Variants in APCDD1L observed in about 807,000 individuals in gnomAD.
APCDD1L encodes the protein protein APCDD1-like.
In APCDD1L, 21 loss-of-function variants were observed where a neutral mutation model predicts 24.2. The ratio of observed to expected loss-of-function variants is 0.87; its 90% CI spans 0.61 to 1.25. APCDD1L has a LOEUF of 1.25. Ranked by LOEUF, APCDD1L falls within the 50% of genes most tolerant of loss-of-function variation. The pLI, the probability that APCDD1L is intolerant of heterozygous loss-of-function variation, is 0.00. For synonymous variants in APCDD1L, 321 were observed against 323.6 expected (o/e 0.99, Z 0.09); for missense variants, 704 against 711.7 (o/e 0.99, Z 0.12).
intron 1 of APCDD1L, among the ~76,000 whole-genome samples, chr20:58,496,310 G>A (rs963549343): frequency 7.9e-5 from 12 of 152,242 alleles, no homozygotes; most frequent in African/African-American, 2.7e-4. Context: ...CACCTGCTGT[G>A]CTTGCCAGAG....
intron 2 of APCDD1L, among the ~76,000 whole-genome samples, chr20:58,468,413 T>C (rs1310061953): frequency 1.3e-5 from 2 of 152,088 alleles, no homozygotes; most frequent in East Asian, 3.9e-4. Context: ...AAATGACTCC[T>C]AGACTCACGG....
chr20:58,515,082 G>C lies in APCDD1L; in HGVS notation c.-375C>G, dbSNP rs186149065. 4.9e-6 allele frequency: 1 copy of C among 205,794 alleles called. No individual in the cohort carries two copies. Among genetic ancestry groups the C allele is most frequent in the Non-Finnish European group, 9.6e-6 (1 of 103,766 alleles). 12.7% of individuals were successfully genotyped at this position (205,794 alleles called of 1,614,324 possible). ...CAAAGTCTTCGCAGTGGGCAAGGAG[G>C]CCTCCCCCAAGCTCTGGTCCCGGCC... On this transcript the variant is annotated 5_prime_UTR_variant, in exon 1 of 4. Transcript: ENST00000371149.
chr20:58,510,427 G>A (rs950124097), intron 1 of APCDD1L, among the ~76,000 whole-genome samples: 1 of 152,116 alleles, frequency 6.6e-6, no homozygotes, highest in African/African-American at 2.4e-5. Flanking sequence ...CCGCCTCCCG[G>A]GTTCAAGCAA....
intron 3 of APCDD1L, among the ~76,000 whole-genome samples, chr20:58,463,012 T>C (rs868402243): frequency 5.9e-5 from 9 of 151,402 alleles, no homozygotes; most frequent in East Asian, 3.9e-4. Flanking sequence ...TGTGGTGGTA[T>C]ATGCCTGTGA....
intron 1 of APCDD1L, among the ~76,000 whole-genome samples, chr20:58,476,771 A>T (rs1989918270): frequency 6.6e-6 from 1 of 152,192 alleles, no homozygotes; most frequent in East Asian, 1.9e-4. Flanking sequence ...CCACCAGATC[A>T]TCCACCCCAT....
At chr20:58,471,063 G>C (rs1286435622) in intron 1 of APCDD1L, among the ~76,000 whole-genome samples, 1 of 152,216 alleles carries the variant, frequency 6.6e-6, no homozygotes, top group Non-Finnish European at 1.5e-5. Flanking sequence ...ACGTGGAGCA[G>C]ACTCTTAGAA....
At chr20:58,469,008 GCCAACCTCCCTGTT>G (rs1989766553) in intron 2 of APCDD1L, among the ~76,000 whole-genome samples, 1 of 152,138 alleles carries the variant, frequency 6.6e-6, no homozygotes, top group African/African-American at 2.4e-5. Context: ...TGTCTTTAAT[GCCAACCTCCCTGTT>G]CTCCCAGAGA....
intron 1 of APCDD1L, 107 bp downstream of exon 1, chr20:58,514,552 G>A: frequency 8.9e-7 from 1 of 1,125,504 alleles, no homozygotes. Context: ...AGCCGCGTGG[G>A]CCGACCCAGG....
intron 1 of APCDD1L, among the ~76,000 whole-genome samples, chr20:58,499,083 G>A (rs577021793): frequency 2.0e-5 from 3 of 152,362 alleles, no homozygotes; most frequent in Admixed American, 2.0e-4. Context: ...CTGCGGGAGG[G>A]ACAGTTGGGG....
intron 1 of APCDD1L, among the ~76,000 whole-genome samples, chr20:58,512,203 T>C (rs1990642011): frequency 2.0e-5 from 3 of 152,232 alleles, no homozygotes; most frequent in Non-Finnish European, 1.5e-5. Context: ...AGAAACTACC[T>C]AAGCTATGTT....
At chr20:58,489,994 C>T (rs1185658309) in intron 1 of APCDD1L, among the ~76,000 whole-genome samples, 1 of 152,152 alleles carries the variant, frequency 6.6e-6, no homozygotes, top group African/African-American at 2.4e-5. Flanking sequence ...TCATATATTA[C>T]TTTTATTACT....
At chr20:58,486,722 T>A (rs1250990630) in intron 1 of APCDD1L, among the ~76,000 whole-genome samples, 2 of 152,074 alleles carry the variant, frequency 1.3e-5, no homozygotes, top group Non-Finnish European at 2.9e-5. Flanking sequence ...ATCAAAATAC[T>A]CTTACAACAA....
chr20:58,467,278 C>T lies in APCDD1L; in HGVS notation c.569G>A (p.Gly190Asp), dbSNP rs1267858696. Reference protein sequence around the residue: ...RAQGDCLEALGLTMHELSLVR... With the variant: ...RAQGDCLEALDLTMHELSLVR... ...CAGGCTGAGCTCGTGCATGGTGAGG[C>T]CCAGCGCCTCCAGGCAGTCCCCCTG... Residue 190 changes from glycine (G) to aspartate (D), a missense_variant, in exon 3 of 4, where the codon GGC becomes GAC. Gly to Asp is a moderately conservative substitution (Grantham distance 94). Coordinates refer to ENST00000371149, the MANE Select transcript of APCDD1L (RefSeq NM_153360.3). This position sits in a 1 kb window ranked among gnomAD's most constrained non-coding sequence, Gnocchi z 5.9. 1.3e-6 allele frequency: 2 copies of T among 1,560,788 alleles called. No homozygotes were observed. The highest frequency in any genetic ancestry group is 4.8e-5 in the East Asian group (2 of 42,066).
chr20:58,460,642 G>T lies in APCDD1L; in HGVS notation c.*148C>A. 9.3e-7 allele frequency: 1 copy of T among 1,071,642 alleles called. No homozygotes were observed. 66.4% of individuals were successfully genotyped at this position (1,071,642 alleles called of 1,614,324 possible). On this transcript the variant is annotated 3_prime_UTR_variant, in exon 4 of 4. Transcript: ENST00000371149. This position sits in a 1 kb window ranked among gnomAD's most constrained non-coding sequence, Gnocchi z 4.2. The stretch of plus-strand genomic sequence containing the variant: ...GTTAAGCTCATGTCCTGAGCCACAT[G>T]GGACACAGGCAGAGTTTGGAAGCAG...
At chr20:58,473,607 C>G (rs7271852) in intron 1 of APCDD1L, among the ~76,000 whole-genome samples, 74,726 of 151,642 alleles carry the variant, frequency 0.49, 18,999 homozygotes, top group East Asian at 0.66. Context: ...CTTCCCCCCC[C>G]ACCCCTTCTC....
At chr20:58,489,811 T>G (rs1450878809) in intron 1 of APCDD1L, among the ~76,000 whole-genome samples, 1 of 152,206 alleles carries the variant, frequency 6.6e-6, no homozygotes. Context: ...ATCTAGGTTT[T>G]GTGGAGCCTG....
chr20:58,461,544 T>C lies in APCDD1L; in HGVS notation c.752A>G (p.Gln251Arg), dbSNP rs201977134. The C allele has an allele frequency of 1.4e-6, 2 of 1,423,546 alleles. No individual in the cohort carries two copies. The highest frequency in any genetic ancestry group is 5.1e-5 in the East Asian group (2 of 39,574). The allele number at this position is 1,423,546 out of a possible 1,614,324, so 88.2% of individuals were successfully genotyped here. Residue 251 changes from glutamine (Q) to arginine (R), a missense_variant, in exon 4 of 4, where the codon CAG (glutamine) becomes CGG (arginine). Transcript: ENST00000371149. The surrounding 1 kb of genome is among the most constrained non-coding windows in gnomAD (Gnocchi z 6.0). ...AATGAGGCCACAGGCTGGGCACGGC[T>C]GCACGTGGTGCTGGCAAAAGACAAA... is the stretch of plus-strand genomic sequence containing the variant. ...RPLQSALHHVQPCPACGLIAR... is the reference protein window; with the variant it reads ...RPLQSALHHVRPCPACGLIAR...
intron 1 of APCDD1L, among the ~76,000 whole-genome samples, chr20:58,477,825 G>T (rs989257817): frequency 7.2e-5 from 11 of 151,994 alleles, no homozygotes; most frequent in Non-Finnish European, 1.6e-4. Flanking sequence ...TCACTATGTT[G>T]CCCAGGCTGG....
At chr20:58,495,293 C>T (rs1600869656) in intron 1 of APCDD1L, among the ~76,000 whole-genome samples, 2 of 152,198 alleles carry the variant, frequency 1.3e-5, no homozygotes, top group Admixed American at 1.3e-4. Flanking sequence ...AGTTTCAAGA[C>T]GATGATGGCA....
Sources: allele counts gnomAD v4.1 joint callset (sites outside exome capture counted in the v4.1 genomes callset), GRCh38; gene constraint gnomAD v4.1.1; non-coding constraint Gnocchi (gnomAD v3.1); transcripts MANE v1.5; gene names NCBI Gene and HGNC (gene_info 2026-07-23, HGNC 2026-07-21).